NFX1: variants seen among roughly 807,000 people sequenced by gnomAD.
The protein encoded by NFX1 is nuclear transcription factor, X-box binding 1.
In NFX1, 69 loss-of-function variants were observed where a neutral mutation model predicts 137.2. The observed-to-expected ratio is 0.50, with a 90% CI of 0.41 to 0.61. The LOEUF (loss-of-function observed/expected upper bound fraction) is 0.61, where lower values mean the gene tolerates loss of function less well. NFX1 is among the 20% of genes least tolerant of loss of function. The pLI, the probability that NFX1 is intolerant of heterozygous loss-of-function variation, is 0.00. For missense variants in NFX1, 1,167 were observed against 1,391.0 expected, an observed-to-expected ratio of 0.84 and a Z score of 2.56; for synonymous variants, 495 against 474.1, an observed-to-expected ratio of 1.04 and a Z score of -0.57.
intron 9 of NFX1, among the ~76,000 whole-genome samples, chr9:33,321,705 G>A (rs1166142600): frequency 1.3e-5 from 2 of 152,064 alleles, no homozygotes; most frequent in Non-Finnish European, 2.9e-5. Context: ...GCAAGACCCT[G>A]TATGTACCAA....
intron 17 of NFX1, among the ~76,000 whole-genome samples, chr9:33,353,047 A>C (rs1192846216): frequency 6.6e-6 from 1 of 152,148 alleles, no homozygotes; most frequent in African/African-American, 2.4e-5. Flanking sequence ...CTGGCTGGAA[A>C]GTTTCTTACA....
chr9:33,339,705 A>T (rs932977987), intron 12 of NFX1, among the ~76,000 whole-genome samples: 1 of 152,224 alleles, frequency 6.6e-6, no homozygotes, highest in African/African-American at 2.4e-5. Flanking sequence ...TCAAAAGCAA[A>T]TTAGTTACTT....
At position 33,367,552 on chromosome 9, in the gene NFX1, G is replaced by A. The variant is rs1477097697; in HGVS notation, c.3223G>A (p.Val1075Met). Reference protein sequence around the residue: ...SVCPPTTLTGVLEREMQARPP... With the variant: ...SVCPPTTLTGMLEREMQARPP... ...TTGTCCTCCTACCACGCTGACAGGT[G>A]TGCTTGAAAGGGAAATGCAGGCACG... The change falls in exon 23 of 24, where the codon GTG becomes ATG. Residue 1075 changes from valine (V) to methionine (M), a missense_variant. Val to Met is a conservative substitution (Grantham distance 21). Around this residue, in one of 3 missense-constraint regions of NFX1, gnomAD observed 312 missense variants for 312.8 expected, o/e 1.00. Coordinates refer to ENST00000379540, the MANE Select transcript of NFX1 (RefSeq NM_002504.6). The A allele has an allele frequency of 1.2e-6, 2 of 1,613,990 alleles. No individual in the cohort carries two copies. Among genetic ancestry groups the A allele is most frequent in the South Asian group, 1.1e-5 (1 of 91,078 alleles).
At chr9:33,341,452 CTGTATCAG>C (rs1177373080) in intron 12 of NFX1, among the ~76,000 whole-genome samples, 2 of 152,080 alleles carry the variant, frequency 1.3e-5, no homozygotes, top group Non-Finnish European at 2.9e-5. Flanking sequence ...CACAGCCAAA[CTGTATCAG>C]TGTATATATA....
intron 21 of NFX1, 33 bp downstream of exon 21, chr9:33,364,807 C>CT: frequency 6.2e-7 from 1 of 1,611,458 alleles, no homozygotes. Flanking sequence ...GGACATTTCT[C>CT]TAAGGCCAGC....
rs1366716255 is a variant in NFX1, at chr9:33,345,123, C to G, written c.2344+935C>G. On this transcript the variant is annotated intron_variant, in intron 14 of 23. Coordinates refer to ENST00000379540, the MANE Select transcript of NFX1 (RefSeq NM_002504.6). The stretch of plus-strand genomic sequence containing the variant: ...GTTGCAGTGAGCCAAGATTGTGCCA[C>G]TGCACTTCAGCCTGGGCAACAGAGT... Among the ~76,000 whole-genome samples, 5 of 148,706 alleles carry G rather than the reference C, an allele frequency of 3.4e-5. No homozygotes were observed. The East Asian group carries it at 8.1e-4, about 24-fold the overall frequency.
intron 12 of NFX1, among the ~76,000 whole-genome samples, chr9:33,339,055 T>A (rs1467690871): frequency 6.6e-6 from 1 of 152,210 alleles, no homozygotes; most frequent in Non-Finnish European, 1.5e-5. Flanking sequence ...TTTGCTTTTA[T>A]GGAACTAATT....
chr9:33,341,733 C>T (rs1823230045), intron 12 of NFX1, among the ~76,000 whole-genome samples: 1 of 152,136 alleles, frequency 6.6e-6, no homozygotes, highest in South Asian at 2.1e-4. Flanking sequence ...AATTCAAGGC[C>T]AGCCTTGGCA....
chr9:33,359,348 C>T (rs1823918317), intron 19 of NFX1, among the ~76,000 whole-genome samples: 2 of 152,064 alleles, frequency 1.3e-5, no homozygotes, highest in African/African-American at 4.8e-5. Flanking sequence ...CCTGTAATCC[C>T]AGCACTTTGG....
chr9:33,314,222 G>A (rs1229951457), intron 7 of NFX1, among the ~76,000 whole-genome samples: 1 of 152,058 alleles, frequency 6.6e-6, no homozygotes, highest in Non-Finnish European at 1.5e-5. Context: ...GACCTCAAGT[G>A]ATAATGCCTG....
rs529169544 is a variant in NFX1 at position 33,338,009 on chromosome 9, A to G, written c.2036-501A>G. Among the ~76,000 whole-genome samples the G allele has an allele frequency of 2.7e-4, 41 of 150,962 alleles. No individual in the cohort carries two copies. In the South Asian group the frequency reaches 6.9e-3, roughly 25 times the overall value. On this transcript the variant is annotated intron_variant, in intron 11 of 23. Transcript: ENST00000379540. ...GGTTGCAGTGAGCCAAGATTGCGCC[A>G]TTGCACTCCAGCCTGGGCAGCAGAG...
chr9:33,315,442 C>G (rs1822124185), intron 7 of NFX1, among the ~76,000 whole-genome samples: 1 of 152,126 alleles, frequency 6.6e-6, no homozygotes, highest in Non-Finnish European at 1.5e-5. Flanking sequence ...CTGAAATATA[C>G]TCTCTCCTTC....
At chr9:33,302,996 C>T (rs1240933302) in intron 3 of NFX1, among the ~76,000 whole-genome samples, 195 bp from the exon 4 acceptor site, 2 of 148,278 alleles carry the variant, frequency 1.3e-5, no homozygotes, top group Non-Finnish European at 3.0e-5. Context: ...TAATGAACCC[C>T]ATATTTAGTG....
At chr9:33,331,117 G>C (rs1822790344) in intron 10 of NFX1, among the ~76,000 whole-genome samples, 1 of 152,202 alleles carries the variant, frequency 6.6e-6, no homozygotes, top group East Asian at 1.9e-4. Flanking sequence ...AGTGAACCGA[G>C]ATTGCACCAC....
chr9:33,342,989 T>A (rs186676235), intron 13 of NFX1, 135 bp downstream of exon 13: 37 of 629,996 alleles, frequency 5.9e-5, no homozygotes, highest in Admixed American at 4.1e-4. Context: ...TGTTGAGACT[T>A]TTTTTAAAGT....
At chr9:33,312,688 T>C (rs4878532) in intron 6 of NFX1, among the ~76,000 whole-genome samples, 37,812 of 152,146 alleles carry the variant, frequency 0.25, 5,814 homozygotes, top group Non-Finnish European at 0.33. Context: ...TGGGCCAACA[T>C]GGTGAAACCC....
At chr9:33,302,357 A>ATTTTT (rs33976056) in intron 3 of NFX1, among the ~76,000 whole-genome samples, 2 of 71,012 alleles carry the variant, frequency 2.8e-5, no homozygotes, top group African/African-American at 1.1e-4. Flanking sequence ...ATCTAACTGT[A>ATTTTT]TTTTTTTTTT....
chr9:33,357,709 T>C (rs986204291), intron 19 of NFX1, among the ~76,000 whole-genome samples: 11 of 151,028 alleles, frequency 7.3e-5, no homozygotes, highest in South Asian at 2.1e-4. Flanking sequence ...GATTTTCTTT[T>C]TTTTTTTTTT....
intron 19 of NFX1, among the ~76,000 whole-genome samples, chr9:33,357,329 T>C (rs1475980360): frequency 6.6e-6 from 1 of 151,674 alleles, no homozygotes; most frequent in Non-Finnish European, 1.5e-5. Context: ...AAATAAAGTA[T>C]ATCAAATATA....
Sources: gnomAD v4.1 joint callset for allele counts (sites outside exome capture counted in the v4.1 genomes callset) on GRCh38, gnomAD v4.1.1 for gene constraint, gnomAD v4.1.1 regional missense constraint, MANE v1.5 for transcripts, NCBI Gene and HGNC (gene_info 2026-07-23, HGNC 2026-07-21) for gene names.